Variants in LAMA2 observed in about 807,000 individuals in gnomAD.
The protein encoded by LAMA2 is laminin subunit alpha-2.
A neutral mutation model predicts 364.8 loss-of-function variants in LAMA2; 269 were observed. The observed-to-expected ratio is 0.74, with a 90% confidence interval of 0.67 to 0.82. The LOEUF is 0.82. Among genes scored for constraint, LAMA2 ranks in the 40% least tolerant of loss-of-function variants. The pLI, the probability that LAMA2 is intolerant of heterozygous loss-of-function variation, is 0.00. For missense variants in LAMA2, 3,807 were observed against 3,873.2 expected, an observed-to-expected ratio of 0.98 and a Z score of 0.45; for synonymous variants, 1,379 against 1,370.6, an observed-to-expected ratio of 1.01 and a Z score of -0.14.
At chr6:129,355,436 A>C (rs532884473) in intron 32 of LAMA2, among the ~76,000 whole-genome samples, 1 of 152,322 alleles carries the variant, frequency 6.6e-6, no homozygotes, top group South Asian at 2.1e-4. Context: ...AAAATAAGAC[A>C]CAAGTGAGGA....
At chr6:129,463,628 T>C (rs1266002458) in intron 49 of LAMA2, among the ~76,000 whole-genome samples, 4 of 152,166 alleles carry the variant, frequency 2.6e-5, no homozygotes, top group Admixed American at 1.3e-4. Context: ...TAATTATGCA[T>C]CCAATATTGA....
chr6:129,367,952 C>T (rs1312781140), intron 33 of LAMA2, among the ~76,000 whole-genome samples: 8 of 152,326 alleles, frequency 5.3e-5, no homozygotes, highest in African/African-American at 1.7e-4. Flanking sequence ...ATATATCTCT[C>T]ACAGTTCTGA....
chr6:129,188,980 A>G (rs567295531), intron 10 of LAMA2, among the ~76,000 whole-genome samples: 186 of 152,160 alleles, frequency 1.2e-3, no homozygotes, highest in African/African-American at 4.3e-3. Context: ...GCACTTTGCT[A>G]TGCATGAAAA....
chr6:129,060,654 T>C (rs1788841325), intron 3 of LAMA2, among the ~76,000 whole-genome samples: 1 of 152,148 alleles, frequency 6.6e-6, no homozygotes, highest in Admixed American at 6.5e-5. Flanking sequence ...CACCATACAC[T>C]GTAAAGGTCA....
chr6:129,502,280 C>G (rs1227632221), intron 58 of LAMA2, among the ~76,000 whole-genome samples: 1 of 152,170 alleles, frequency 6.6e-6, no homozygotes, highest in Non-Finnish European at 1.5e-5. Flanking sequence ...TCTTATAACC[C>G]AAGTGGCTAG....
chr6:128,914,536 C>T (rs576275745), intron 1 of LAMA2, among the ~76,000 whole-genome samples: 21 of 152,240 alleles, frequency 1.4e-4, no homozygotes, highest in Non-Finnish European at 2.6e-4. Context: ...TAGTCCAGTT[C>T]CAACCATGTC....
rs141476898 is a variant in LAMA2 at position 129,465,196 on chromosome 6, G to C, written c.7207G>C (p.Asp2403His). ...TGATGGGCACATAAAAGTCAGTTAC[G>C]ATCTGGGCTCAGGAATGGCTTCCGT... ...LTDGHIKVSY[D>H]LGSGMASVVS... The change falls in exon 51 of 65, where the codon GAT (aspartate) becomes CAT (histidine). Residue 2403 changes from aspartate to histidine, a missense_variant. Physicochemically the swap from Asp to His is moderately conservative, Grantham distance 81. Around this residue, in one of 3 missense-constraint regions of LAMA2, gnomAD observed 3,333 missense variants for 3,345.7 expected, o/e 1.00. Transcript: ENST00000421865. 6.2e-7 allele frequency: 1 copy of C among 1,611,122 alleles called. No individual in the cohort carries two copies. The highest frequency in any genetic ancestry group is 1.1e-5 in the South Asian group (1 of 91,040).
At chr6:129,311,678 T>C (rs1359080791) in intron 22 of LAMA2, among the ~76,000 whole-genome samples, 3 of 152,206 alleles carry the variant, frequency 2.0e-5, no homozygotes, top group African/African-American at 7.2e-5. Flanking sequence ...ACTTGGCATT[T>C]TTATTAAATT....
chr6:128,991,916 T>A (rs1301660359), intron 1 of LAMA2, among the ~76,000 whole-genome samples: 1 of 152,234 alleles, frequency 6.6e-6, no homozygotes, highest in Non-Finnish European at 1.5e-5. Context: ...TATGTCTACA[T>A]TATTTTAAAT....
intron 1 of LAMA2, among the ~76,000 whole-genome samples, chr6:129,023,516 T>G (rs1193837923): frequency 1.3e-5 from 2 of 152,186 alleles, no homozygotes; most frequent in African/African-American, 4.8e-5. Context: ...CTTGATCTGT[T>G]GTACTTTCTG....
intron 64 of LAMA2, 134 bp downstream of exon 64, chr6:129,514,729 T>G: frequency 1.3e-6 from 1 of 769,186 alleles, no homozygotes; most frequent in East Asian, 2.7e-5. Context: ...CTGCTTAGAA[T>G]CTGCACCTTA....
chr6:129,238,409 G>C (rs1319774823), intron 12 of LAMA2, among the ~76,000 whole-genome samples: 1 of 152,066 alleles, frequency 6.6e-6, no homozygotes, highest in Non-Finnish European at 1.5e-5. Flanking sequence ...TGCCCTTTTA[G>C]ACATAACATA....
chr6:129,121,603 T>C (rs1271425465), intron 4 of LAMA2, among the ~76,000 whole-genome samples: 1 of 152,174 alleles, frequency 6.6e-6, no homozygotes, highest in Non-Finnish European at 1.5e-5. Context: ...AAGATGATGC[T>C]AACAAATACC....
intron 34 of LAMA2, among the ~76,000 whole-genome samples, chr6:129,381,047 G>A (rs1174894050): frequency 6.6e-6 from 1 of 152,082 alleles, no homozygotes; most frequent in Non-Finnish European, 1.5e-5. Flanking sequence ...ATAAGAATTG[G>A]TCCACTTGGT....
At chr6:129,167,382 A>G (rs953085908) in intron 9 of LAMA2, among the ~76,000 whole-genome samples, 6 of 144,156 alleles carry the variant, frequency 4.2e-5, no homozygotes, top group Admixed American at 7.4e-5. Flanking sequence ...GCATTGTTCA[A>G]TTCCCACCTA....
At chr6:128,904,111 G>A (rs1777262604) in intron 1 of LAMA2, among the ~76,000 whole-genome samples, 1 of 152,152 alleles carries the variant, frequency 6.6e-6, no homozygotes, top group South Asian at 2.1e-4. Context: ...ACTTTGATAG[G>A]AGGAACATTT....
intron 45 of LAMA2, among the ~76,000 whole-genome samples, chr6:129,451,085 C>T (rs577030477): frequency 6.6e-6 from 1 of 152,090 alleles, no homozygotes; most frequent in South Asian, 2.1e-4. Flanking sequence ...ATCTCTAATC[C>T]CTTGGATGAC....
chr6:128,904,258 G>A (rs1777275063), intron 1 of LAMA2, among the ~76,000 whole-genome samples: 1 of 151,968 alleles, frequency 6.6e-6, no homozygotes, highest in African/African-American at 2.4e-5. Flanking sequence ...CTTTTAGCTT[G>A]GTTTGAGGGT....
intron 22 of LAMA2, among the ~76,000 whole-genome samples, chr6:129,311,075 T>C (rs1156266607): frequency 1.3e-5 from 2 of 151,844 alleles, no homozygotes; most frequent in African/African-American, 4.8e-5. Flanking sequence ...TGGGATTCTT[T>C]CTGGGCCACT....
Sources: allele counts gnomAD v4.1 joint callset (sites outside exome capture counted in the v4.1 genomes callset), GRCh38; gene constraint gnomAD v4.1.1; regional missense constraint gnomAD v4.1.1; transcripts MANE v1.5; gene names NCBI Gene and HGNC (gene_info 2026-07-23, HGNC 2026-07-21).